The following PTPRD variants were observed in gnomAD, a reference collection of about 807,000 sequenced individuals.
PTPRD encodes the protein receptor-type tyrosine-protein phosphatase delta.
A neutral mutation model predicts 214.5 loss-of-function variants in PTPRD; 34 were observed. That is an observed-to-expected ratio of 0.16 (90% CI 0.12 to 0.21). The LOEUF (loss-of-function observed/expected upper bound fraction) is 0.21. Among genes scored for constraint, PTPRD ranks in the 10% least tolerant of loss-of-function variants. The probability of loss-of-function intolerance (pLI) is 1.00; values close to 1 mark genes in which losing one functional copy is unlikely to be tolerated. For missense variants in PTPRD, 2,545 were observed against 2,398.7 expected, an observed-to-expected ratio of 1.06 and a Z score of -1.27; for synonymous variants, 1,128 against 845.7, an observed-to-expected ratio of 1.33 and a Z score of -5.79.
At chr9:8,921,201 T>C (rs776583425) in intron 11 of PTPRD, among the ~76,000 whole-genome samples, 1 of 152,204 alleles carries the variant, frequency 6.6e-6, no homozygotes, top group Non-Finnish European at 1.5e-5. Context: ...CATTAGAAGA[T>C]AGTTGTACAT....
chr9:9,668,657 G>T (rs2096769457), intron 7 of PTPRD, among the ~76,000 whole-genome samples: 1 of 151,938 alleles, frequency 6.6e-6, no homozygotes, highest in African/African-American at 2.4e-5. Flanking sequence ...CTTGCCCCTG[G>T]CATTTGTTAA....
At chr9:10,503,628 G>A (rs1248207402) in intron 2 of PTPRD, among the ~76,000 whole-genome samples, 2 of 151,944 alleles carry the variant, frequency 1.3e-5, no homozygotes, top group East Asian at 1.9e-4. Flanking sequence ...GATATTGGAG[G>A]TTCTGAAAAT....
chr9:9,758,652 C>T (rs2098614442), intron 6 of PTPRD, among the ~76,000 whole-genome samples: 1 of 151,930 alleles, frequency 6.6e-6, no homozygotes, highest in Admixed American at 6.6e-5. Context: ...CCTCCCTTGC[C>T]CCAACCAAGA....
At chr9:8,421,904 T>A (rs2094389795) in intron 35 of PTPRD, among the ~76,000 whole-genome samples, 1 of 151,812 alleles carries the variant, frequency 6.6e-6, no homozygotes, top group African/African-American at 2.4e-5. Context: ...TCCCAGCACT[T>A]TGGGAGACCA....
chr9:8,550,881 C>T (rs1201174144), intron 14 of PTPRD, among the ~76,000 whole-genome samples: 2 of 152,166 alleles, frequency 1.3e-5, no homozygotes, highest in Non-Finnish European at 2.9e-5. Flanking sequence ...AGCACCAAGG[C>T]TGGGTATGAA....
At chr9:8,804,426 C>T (rs1417143729) in intron 11 of PTPRD, among the ~76,000 whole-genome samples, 1 of 149,600 alleles carries the variant, frequency 6.7e-6, no homozygotes, top group Non-Finnish European at 1.5e-5. Context: ...AAGAAGACTC[C>T]GTCTCTACAA....
At chr9:9,262,787 A>G (rs1411021808) in intron 9 of PTPRD, among the ~76,000 whole-genome samples, 2 of 151,642 alleles carry the variant, frequency 1.3e-5, no homozygotes, top group Non-Finnish European at 3.0e-5. Context: ...AATACATAAA[A>G]CAATTAATTT....
intron 10 of PTPRD, among the ~76,000 whole-genome samples, chr9:9,138,731 T>TAAAC (rs916083572): frequency 1.3e-5 from 2 of 152,164 alleles, no homozygotes; most frequent in African/African-American, 4.8e-5. Context: ...AATTCAGAAC[T>TAAAC]AAACAGTTCT....
At chr9:9,052,639 C>G (rs1042427638) in intron 10 of PTPRD, among the ~76,000 whole-genome samples, 5 of 152,174 alleles carry the variant, frequency 3.3e-5, no homozygotes, top group Admixed American at 1.3e-4. Flanking sequence ...TGGACTTTCC[C>G]TCTCCCATTC....
intron 9 of PTPRD, among the ~76,000 whole-genome samples, chr9:9,250,177 C>A (rs2099974879): frequency 6.6e-6 from 1 of 152,020 alleles, no homozygotes; most frequent in Admixed American, 6.6e-5. Flanking sequence ...CATCCTTACA[C>A]TTATAGAAGC....
At chr9:8,754,058 T>G (rs1333855031) in intron 11 of PTPRD, among the ~76,000 whole-genome samples, 1 of 152,070 alleles carries the variant, frequency 6.6e-6, no homozygotes, top group Non-Finnish European at 1.5e-5. Context: ...AGCAGGAGAA[T>G]CACTTGAAAT....
chr9:10,133,910 ATATC>A (rs2098922396), intron 3 of PTPRD, among the ~76,000 whole-genome samples: 1 of 152,158 alleles, frequency 6.6e-6, no homozygotes, highest in African/African-American at 2.4e-5. Flanking sequence ...CTTTTTTCAT[ATATC>A]ACAGTGACAT....
At chr9:9,279,929 T>A (rs1369607193) in intron 9 of PTPRD, among the ~76,000 whole-genome samples, 2 of 151,334 alleles carry the variant, frequency 1.3e-5, no homozygotes, top group African/African-American at 4.8e-5. Flanking sequence ...TTTGCCTCAT[T>A]TAAAAAACAT....
intron 8 of PTPRD, among the ~76,000 whole-genome samples, chr9:9,470,025 G>A (rs753714088): frequency 2.6e-5 from 4 of 152,100 alleles, no homozygotes; most frequent in Non-Finnish European, 4.4e-5. Context: ...AACTCCCAGA[G>A]GACAGAAATG....
At chr9:8,466,285 G>A (rs896965432) in intron 31 of PTPRD, among the ~76,000 whole-genome samples, 1 of 151,896 alleles carries the variant, frequency 6.6e-6, no homozygotes. Flanking sequence ...CAATTAGGGT[G>A]CACTTCCTTA....
intron 3 of PTPRD, among the ~76,000 whole-genome samples, chr9:10,157,529 G>A (rs1383970912): frequency 6.6e-6 from 1 of 152,094 alleles, no homozygotes; most frequent in Non-Finnish European, 1.5e-5. Context: ...TCCCTTTGTA[G>A]GTAACTGGAC....
intron 4 of PTPRD, among the ~76,000 whole-genome samples, chr9:9,949,480 T>C (rs2093203443): frequency 6.6e-6 from 1 of 151,386 alleles, no homozygotes; most frequent in Non-Finnish European, 1.5e-5. Flanking sequence ...CCTTCCTCCA[T>C]CTTCATGTGG....
chr9:8,682,469 A>C (rs1289526143), intron 12 of PTPRD, among the ~76,000 whole-genome samples: 1 of 146,650 alleles, frequency 6.8e-6, no homozygotes, highest in Non-Finnish European at 1.5e-5. Context: ...TATGTCAATA[A>C]GAAATAAATT....
intron 12 of PTPRD, among the ~76,000 whole-genome samples, chr9:8,669,743 G>A (rs1431022341): frequency 6.6e-6 from 1 of 152,126 alleles, no homozygotes; most frequent in Non-Finnish European, 1.5e-5. Context: ...AAAGTAGGCT[G>A]GAGTCACAAG....
Sources: gnomAD v4.1 joint callset for allele counts (sites outside exome capture counted in the v4.1 genomes callset) on GRCh38, gnomAD v4.1.1 for gene constraint, MANE v1.5 for transcripts, NCBI Gene and HGNC (gene_info 2026-07-23, HGNC 2026-07-21) for gene names.